The following LRRC2 variants were observed in gnomAD, a reference collection of about 807,000 sequenced individuals.
LRRC2 encodes the protein leucine rich repeat containing 2.
A neutral mutation model predicts 40.2 loss-of-function variants in LRRC2; 27 were observed. The ratio of observed to expected loss-of-function variants is 0.67; its 90% CI spans 0.49 to 0.93. The LOEUF is 0.93. Among genes scored for constraint, LRRC2 ranks in the 40% least tolerant of loss-of-function variants. LRRC2 has a pLI of 0.00. For missense variants in LRRC2, 402 were observed against 439.6 expected (o/e 0.91, Z 0.76); for synonymous variants, 147 against 158.9 (o/e 0.92, Z 0.56).
intron 4 of LRRC2, among the ~76,000 whole-genome samples, chr3:46,533,799 G>GTTTCTTTCTTTCTTTCTTTC (rs139748444): frequency 1.6e-5 from 1 of 60,790 alleles, no homozygotes; most frequent in African/African-American, 4.7e-5. Flanking sequence ...TTCTTTCTTT[G>GTTTCTTTCTTTCTTTCTTTC]TTTCTTTCTT....
intron 2 of LRRC2, among the ~76,000 whole-genome samples, chr3:46,549,737 G>A (rs975060027): frequency 1.3e-5 from 2 of 152,188 alleles, no homozygotes; most frequent in Non-Finnish European, 2.9e-5. Context: ...TCTGCAAATG[G>A]CTCCTCTTCC....
intron 3 of LRRC2, among the ~76,000 whole-genome samples, 193 bp downstream of exon 3, chr3:46,544,853 A>G (rs1704491023): frequency 1.3e-5 from 2 of 152,232 alleles, no homozygotes; most frequent in Non-Finnish European, 2.9e-5. Context: ...GGGCACGTGC[A>G]TCCCAGCTGC....
chr3:46,563,822 C>A (rs1426497316), intron 1 of LRRC2, among the ~76,000 whole-genome samples: 1 of 152,192 alleles, frequency 6.6e-6, no homozygotes, highest in Admixed American at 6.5e-5. Context: ...ACGATGGGAA[C>A]TGGTGGGGCC....
At position 46,534,419 on chromosome 3, in the gene LRRC2, CCTTCCTTTCTTTCTTTCTTT is replaced by C. The variant is rs1296999468; in HGVS notation, c.491-1530_491-1511del. ...TTCTTTCTTTTCTTTTCTTTTCCTT[CCTTCCTTTCTTTCTTTCTTT>C]CTTTCTTTCTTTCTTTCTTTCTTTC... On this transcript the variant is annotated intron_variant, in intron 4 of 8. Coordinates refer to ENST00000395905, the MANE Select transcript of LRRC2 (RefSeq NM_024512.5). 9.5e-3 allele frequency among the ~76,000 whole-genome samples: 1,055 copies of C among 111,116 alleles called. 16 individuals are homozygous for C. Among genetic ancestry groups the C allele is most frequent in the African/African-American group, 0.026 (859 of 32,716 alleles). The allele number at this position is 111,116 out of a possible 152,430, so 72.9% of individuals were successfully genotyped here.
intron 6 of LRRC2, among the ~76,000 whole-genome samples, chr3:46,528,429 C>A (rs758524468): frequency 1.3e-5 from 2 of 152,108 alleles, no homozygotes; most frequent in African/African-American, 4.8e-5. Flanking sequence ...CTGTGCCCAG[C>A]CTCCTCTTGT....
chr3:46,519,026 G>C lies in LRRC2; in HGVS notation c.1104C>G (p.Ser368Arg), dbSNP rs757788943. ...CTTCTGATGGATATCAAAGTTGAAG[G>C]CTAAAAGACACTTTGGTGGTATAGC... The part of the protein sequence containing the change: ...VPSYTTKVSF[S>R]LQL Residue 368 changes from serine (S) to arginine (R), a missense_variant, in exon 9 of 9, where the codon AGC becomes AGG. By Grantham distance (110) the Ser-to-Arg change is moderately radical (BLOSUM62 -1). Coordinates refer to ENST00000395905, the MANE Select transcript of LRRC2 (RefSeq NM_024512.5). The C allele has an allele frequency of 1.2e-6, 2 of 1,607,872 alleles. No homozygotes were observed. Among genetic ancestry groups the C allele is most frequent in the South Asian group, 2.2e-5 (2 of 90,960 alleles).
At position 46,547,402 on chromosome 3, in the gene LRRC2, G is replaced by A. The variant is rs557822885; in HGVS notation, c.126-2149C>T. Among the ~76,000 whole-genome samples the A allele has an allele frequency of 7.2e-5, 11 of 152,072 alleles. No homozygotes were observed. The South Asian group carries it at 2.3e-3, about 32-fold the overall frequency. ...GTGATAAATTTAAAAATATTGCCAG[G>A]TGCAGTGGTTCAGGCAGGAGGAACA... On this transcript the variant is annotated intron_variant, in intron 2 of 8. Transcript: ENST00000395905.
At chr3:46,546,167 G>A (rs985339376) in intron 2 of LRRC2, among the ~76,000 whole-genome samples, 1 of 152,210 alleles carries the variant, frequency 6.6e-6, no homozygotes, top group Admixed American at 6.5e-5. Flanking sequence ...CCAGCTGCAG[G>A]TGCAGACTTG....
chr3:46,565,500 A>T (rs981571721), intron 1 of LRRC2, among the ~76,000 whole-genome samples: 1 of 152,236 alleles, frequency 6.6e-6, no homozygotes, highest in African/African-American at 2.4e-5. Flanking sequence ...AACAAGAGGT[A>T]TGTGAGCATC....
At chr3:46,565,894 A>G (rs543482790) in intron 1 of LRRC2, among the ~76,000 whole-genome samples, 1 of 152,294 alleles carries the variant, frequency 6.6e-6, no homozygotes, top group Admixed American at 6.5e-5. Flanking sequence ...GCTAAGCCGG[A>G]GCAAGATTCA....
At chr3:46,544,552 G>A (rs1399008860) in intron 3 of LRRC2, among the ~76,000 whole-genome samples, 2 of 152,226 alleles carry the variant, frequency 1.3e-5, no homozygotes, top group Non-Finnish European at 1.5e-5. Context: ...CTGTCCCGAT[G>A]AAATGGGCAA....
rs1009433470 is a variant in LRRC2 at position 46,519,164 on chromosome 3, A to G, written c.1067-101T>C. 9 of 803,650 alleles carry G rather than the reference A, an allele frequency of 1.1e-5. No homozygotes were observed. In the African/African-American group the frequency reaches 1.2e-4, roughly 11 times the overall value. 49.8% of individuals were successfully genotyped at this position (803,650 alleles called of 1,614,324 possible). A position where few individuals can be genotyped will look rare whatever the true frequency, so the allele number is the denominator to read the frequency against. On this transcript the variant is annotated intron_variant, in intron 8 of 8. Transcript: ENST00000395905. The stretch of plus-strand genomic sequence containing the variant: ...ATAATGAATGTATGTCAATACACCC[A>G]TTATTGTCACTTCATGTTTTAAGTA...
chr3:46,552,909 G>A (rs764553816), intron 1 of LRRC2, among the ~76,000 whole-genome samples: 1 of 152,158 alleles, frequency 6.6e-6, no homozygotes, highest in Non-Finnish European at 1.5e-5. Context: ...CATCTCAGTG[G>A]GAATTTAGAG....
At chr3:46,543,495 G>A (rs1180121614) in intron 3 of LRRC2, among the ~76,000 whole-genome samples, 2 of 151,934 alleles carry the variant, frequency 1.3e-5, no homozygotes, top group African/African-American at 2.4e-5. Context: ...GGGTGCCTGT[G>A]GTCCCAGCTA....
chr3:46,530,561 T>C (rs1282287878), intron 5 of LRRC2, among the ~76,000 whole-genome samples: 1 of 152,036 alleles, frequency 6.6e-6, no homozygotes, highest in African/African-American at 2.4e-5. Context: ...AAAAAAGACA[T>C]AACCAATACT....
chr3:46,525,217 T>C (rs2106982371), intron 7 of LRRC2, among the ~76,000 whole-genome samples: 1 of 151,036 alleles, frequency 6.6e-6, no homozygotes, highest in South Asian at 2.1e-4. Context: ...GCCACCCAGG[T>C]AGCTGGGACT....
chr3:46,565,839 T>C (rs981519372), intron 1 of LRRC2, among the ~76,000 whole-genome samples: 1 of 152,188 alleles, frequency 6.6e-6, no homozygotes, highest in African/African-American at 2.4e-5. Flanking sequence ...ACCAGAAAGC[T>C]TTGGGCTCAG....
At chr3:46,539,718 G>A (rs1704344887) in intron 3 of LRRC2, among the ~76,000 whole-genome samples, 1 of 152,220 alleles carries the variant, frequency 6.6e-6, no homozygotes, top group South Asian at 2.1e-4. Context: ...CCCAGGCCCT[G>A]CCATTTTCCA....
Position 46,530,139 on chromosome 3 carries a change from C to T in LRRC2, c.628-89G>A. Reference sequence around the variant, plus strand: ...AATTTTAAGATGGATATTTCTTCCCCAAAGGCATTTCTATGAATATATGCA... The same window carrying T: ...AATTTTAAGATGGATATTTCTTCCCTAAAGGCATTTCTATGAATATATGCA... On this transcript the variant is annotated intron_variant, in intron 5 of 8. Transcript: ENST00000395905. The T allele has an allele frequency of 2.8e-6, 3 of 1,077,864 alleles. No homozygotes were observed. The South Asian group carries it at 4.3e-5, about 16-fold the overall frequency. 66.8% of individuals were successfully genotyped at this position (1,077,864 alleles called of 1,614,324 possible).
Sources: allele counts gnomAD v4.1 joint callset (sites outside exome capture counted in the v4.1 genomes callset), GRCh38; gene constraint gnomAD v4.1.1; transcripts MANE v1.5; gene names NCBI Gene and HGNC (gene_info 2026-07-23, HGNC 2026-07-21).